Variants in PDE4D observed in about 807,000 individuals in gnomAD.
PDE4D encodes phosphodiesterase 4D.
A neutral mutation model predicts 87.4 loss-of-function variants in PDE4D; 24 were observed. The observed-to-expected ratio is 0.27, with a 90% CI of 0.20 to 0.39. The LOEUF (loss-of-function observed/expected upper bound fraction) is 0.39. Among genes scored for constraint, PDE4D ranks in the 10% least tolerant of loss-of-function variants. The pLI, the probability that PDE4D is intolerant of heterozygous loss-of-function variation, is 1.00. For missense variants in PDE4D, 714 were observed against 1,041.0 expected, an observed-to-expected ratio of 0.69 and a Z score of 4.32; for synonymous variants, 384 against 383.2, an observed-to-expected ratio of 1.00 and a Z score of -0.02.
intron 1 of PDE4D, among the ~76,000 whole-genome samples, chr5:59,453,425 G>A (rs1799455875): frequency 6.6e-6 from 1 of 152,244 alleles, no homozygotes; most frequent in Non-Finnish European, 1.5e-5. Context: ...AGTCAAGACA[G>A]ACAGAAAGCT....
At chr5:59,258,781 T>C (rs1253864506) in intron 1 of PDE4D, among the ~76,000 whole-genome samples, 3 of 149,592 alleles carry the variant, frequency 2.0e-5, no homozygotes, top group Non-Finnish European at 3.0e-5. Flanking sequence ...TATTTCTAAA[T>C]AATATACAAT....
At chr5:59,506,145 A>G (rs1809219768) in intron 1 of PDE4D, among the ~76,000 whole-genome samples, 1 of 152,200 alleles carries the variant, frequency 6.6e-6, no homozygotes, top group African/African-American at 2.4e-5. Context: ...GTTGTTAATA[A>G]TTTGAAACAT....
chr5:59,627,031 T>C (rs1177843524), intron 1 of PDE4D, among the ~76,000 whole-genome samples: 1 of 152,224 alleles, frequency 6.6e-6, no homozygotes, highest in Admixed American at 6.5e-5. Context: ...TTGGATTTTG[T>C]ACACATTTAA....
chr5:59,091,885 T>G (rs905541952), intron 5 of PDE4D, among the ~76,000 whole-genome samples: 1 of 152,188 alleles, frequency 6.6e-6, no homozygotes, highest in Non-Finnish European at 1.5e-5. Flanking sequence ...CTCTTTCATC[T>G]GTACAACTGC....
intron 5 of PDE4D, among the ~76,000 whole-genome samples, chr5:59,133,983 T>TTGTTG (rs1776655785): frequency 6.8e-6 from 1 of 147,628 alleles, no homozygotes; most frequent in South Asian, 2.2e-4. Flanking sequence ...AGCAACTAGT[T>TTGTTG]TTGTTGTTGT....
chr5:59,056,525 T>C (rs926677769), intron 5 of PDE4D, among the ~76,000 whole-genome samples: 4 of 152,260 alleles, frequency 2.6e-5, no homozygotes, highest in Admixed American at 1.3e-4. Context: ...GGTGGTTTAC[T>C]GCACCCATCA....
intron 1 of PDE4D, among the ~76,000 whole-genome samples, chr5:59,410,801 T>G (rs182460446): frequency 6.6e-6 from 1 of 151,728 alleles, no homozygotes; most frequent in East Asian, 1.9e-4. Flanking sequence ...AGTGCTACAA[T>G]AAACATGGGA....
At chr5:60,052,904 C>G (rs1359489218) in intron 2 of PDE4D, among the ~76,000 whole-genome samples, 1 of 152,138 alleles carries the variant, frequency 6.6e-6, no homozygotes, top group Non-Finnish European at 1.5e-5. Flanking sequence ...AATAGACAAA[C>G]AGAGAGCCAA....
chr5:59,071,683 C>CTTTTTTTTTTTTTTTTTTTTT lies in PDE4D; in HGVS notation c.809-32733_809-32713dup, dbSNP rs10701223. 6.1e-5 allele frequency among the ~76,000 whole-genome samples: 5 copies of CTTTTTTTTTTTTTTTTTTTTT among 82,406 alleles called. 2 individuals are homozygous for CTTTTTTTTTTTTTTTTTTTTT. The highest frequency in any genetic ancestry group is 2.0e-4 in the African/African-American group (4 of 20,144). 54.1% of individuals were successfully genotyped at this position (82,406 alleles called of 152,430 possible). ...ACATCTGTACTTTTTTATTTCTCTTCTTTTTTTTTTTTTTTTTTTTTGAGA... is the reference window on the plus strand; with the variant it reads ...ACATCTGTACTTTTTTATTTCTCTTCTTTTTTTTTTTTTTTTTTTTTTTTTTTTTTTTTTTTTTTTTTGAGA... On this transcript the variant is annotated intron_variant, in intron 5 of 14. Transcript: ENST00000340635.
chr5:59,552,815 A>T (rs1818338525), intron 1 of PDE4D, among the ~76,000 whole-genome samples: 1 of 152,196 alleles, frequency 6.6e-6, no homozygotes, highest in South Asian at 2.1e-4. Flanking sequence ...TTTTAACAAA[A>T]TGCAAGATTC....
intron 2 of PDE4D, among the ~76,000 whole-genome samples, chr5:60,093,697 A>C (rs1380295406): frequency 1.3e-5 from 2 of 152,220 alleles, no homozygotes; most frequent in Non-Finnish European, 2.9e-5. Flanking sequence ...CTCTAGAAAA[A>C]TGCAAAAATG....
chr5:58,989,769 T>C lies in PDE4D; in HGVS notation c.1438A>G (p.Thr480Ala). The C allele has an allele frequency of 6.2e-7, 1 of 1,602,058 alleles. No individual in the cohort carries two copies. The highest frequency in any genetic ancestry group is 8.5e-7 in the Non-Finnish European group (1 of 1,175,584). ...AACAGATTTACCTCCAAAGCAGGTG[T>C]AGATAATAGCACATGAGTAGACTGG... Reference protein sequence around the residue: ...VVQSTHVLLSTPALEAVFTDL... With the variant: ...VVQSTHVLLSAPALEAVFTDL... Residue 480 changes from threonine (T) to alanine (A), a missense_variant, in exon 10 of 15, where the codon ACA becomes GCA. By Grantham distance (58) the Thr-to-Ala change is moderately conservative (BLOSUM62 0). This residue lies in a region of PDE4D where 141 missense variants were observed against 204.3 expected (regional missense o/e 0.69). Transcript: ENST00000340635.
chr5:60,044,251 C>T (rs1314748594), intron 2 of PDE4D, among the ~76,000 whole-genome samples: 3 of 152,194 alleles, frequency 2.0e-5, no homozygotes, highest in East Asian at 3.9e-4. Context: ...ATCAAAATTT[C>T]ACATGTATCC....
intron 1 of PDE4D, among the ~76,000 whole-genome samples, chr5:60,371,210 G>A (rs953295210): frequency 6.6e-6 from 1 of 152,170 alleles, no homozygotes; most frequent in African/African-American, 2.4e-5. Flanking sequence ...CTACGCGAAT[G>A]GCCTTTGCTG....
intron 1 of PDE4D, among the ~76,000 whole-genome samples, chr5:59,655,323 A>G (rs1035669453): frequency 6.6e-6 from 1 of 152,184 alleles, no homozygotes; most frequent in Non-Finnish European, 1.5e-5. Context: ...TCTTCTTGAT[A>G]CAATGTTCCA....
chr5:60,253,825 C>A (rs761952365), intron 1 of PDE4D, among the ~76,000 whole-genome samples: 1 of 151,770 alleles, frequency 6.6e-6, no homozygotes, highest in African/African-American at 2.4e-5. Flanking sequence ...ATGGGACTGT[C>A]GGTATTTCAG....
chr5:59,153,311 T>C (rs1336160917), intron 5 of PDE4D, among the ~76,000 whole-genome samples: 2 of 152,194 alleles, frequency 1.3e-5, no homozygotes, highest in African/African-American at 2.4e-5. Flanking sequence ...AGAAATGTTG[T>C]CCTTTTCACA....
chr5:59,386,263 T>G lies in PDE4D; in HGVS notation c.456-170295A>C, dbSNP rs1786954134. On this transcript the variant is annotated intron_variant, in intron 1 of 14. Transcript: ENST00000340635. ...AAAGGTATAAGAACATTTTCCAAAC[T>G]GTTACATTGAATACTAGTTTTTGAG... Among the ~76,000 whole-genome samples, 5 of 152,284 alleles carry G rather than the reference T, an allele frequency of 3.3e-5. No individual in the cohort carries two copies. The South Asian group carries it at 1.0e-3, about 32-fold the overall frequency.
intron 1 of PDE4D, among the ~76,000 whole-genome samples, chr5:59,300,710 C>T (rs1211067221): frequency 6.6e-6 from 1 of 152,174 alleles, no homozygotes; most frequent in Admixed American, 6.5e-5. Flanking sequence ...CCAACACTAG[C>T]TGGGTGTCCT....
Sources: allele counts gnomAD v4.1 joint callset (sites outside exome capture counted in the v4.1 genomes callset), GRCh38; gene constraint gnomAD v4.1.1; regional missense constraint gnomAD v4.1.1; transcripts MANE v1.5; gene names NCBI Gene and HGNC (gene_info 2026-07-23, HGNC 2026-07-21).